Variants in ME3 observed in about 807,000 individuals in gnomAD.
The protein encoded by ME3 is NADP-dependent malic enzyme, mitochondrial.
In ME3, 48 loss-of-function variants were observed where a neutral mutation model predicts 68.9. The ratio of observed to expected loss-of-function variants is 0.70; its 90% CI spans 0.55 to 0.89. ME3 has a LOEUF of 0.89. Ranked by LOEUF, ME3 falls within the 40% of genes least tolerant of loss-of-function variation. ME3 has a pLI of 0.00. For missense variants in ME3, 675 were observed against 797.4 expected (o/e 0.85, Z 1.85); for synonymous variants, 320 against 318.8 (o/e 1.00, Z -0.04).
At chr11:86,457,533 G>C in intron 8 of ME3, 3 of 1,141,238 alleles carry the variant, frequency 2.6e-6, no homozygotes, top group Non-Finnish European at 3.3e-6. Context: ...GAAAAACAGT[G>C]GTTCTTAAGC....
At chr11:86,450,562 C>G (rs1949572651) in intron 8 of ME3, among the ~76,000 whole-genome samples, 164 bp from the exon 9 acceptor site, 1 of 152,236 alleles carries the variant, frequency 6.6e-6, no homozygotes, top group Admixed American at 6.5e-5. Context: ...TCCATGCTCT[C>G]TTTTGCAGAT....
At chr11:86,476,568 G>A (rs1259962893) in intron 7 of ME3, among the ~76,000 whole-genome samples, 1 of 152,156 alleles carries the variant, frequency 6.6e-6, no homozygotes, top group Middle Eastern at 3.2e-3. Flanking sequence ...GACTCTGAGT[G>A]GTGAGTTTGA....
intron 4 of ME3, among the ~76,000 whole-genome samples, chr11:86,520,470 A>G (rs1004224771): frequency 1.8e-4 from 28 of 152,138 alleles, no homozygotes; most frequent in Non-Finnish European, 2.9e-4. Flanking sequence ...ACCCCAAAAA[A>G]CCTTGCAATG....
intron 2 of ME3, among the ~76,000 whole-genome samples, chr11:86,651,165 G>A (rs112083402): frequency 6.6e-6 from 1 of 152,212 alleles, no homozygotes; most frequent in Admixed American, 6.5e-5. Context: ...TCCACTTCTG[G>A]GGGCAGGGCA....
At chr11:86,629,529 C>T (rs781120841) in intron 2 of ME3, among the ~76,000 whole-genome samples, 3 of 152,210 alleles carry the variant, frequency 2.0e-5, no homozygotes, top group Non-Finnish European at 2.9e-5. Context: ...CAACTCCCTT[C>T]ATCACTTGGA....
Position 86,563,841 on chromosome 11 carries a change from G to A in ME3, c.184-4018C>T, listed in dbSNP as rs187203957. ...TTTTGTATCAGTACCATGCTGTTTT[G>A]GTTACTGTAGCTTTAAGTATAGTTT... On this transcript the variant is annotated intron_variant, in intron 2 of 14. Coordinates refer to ENST00000543262, the Ensembl canonical transcript of ME3. 5.5e-3 allele frequency among the ~76,000 whole-genome samples: 839 copies of A among 152,158 alleles called. 3 individuals carry two copies. Among genetic ancestry groups the A allele is most frequent in the Non-Finnish European group, 7.8e-3 (529 of 67,976 alleles).
intron 2 of ME3, among the ~76,000 whole-genome samples, chr11:86,608,843 T>C (rs1307175883): frequency 6.6e-6 from 1 of 152,238 alleles, no homozygotes; most frequent in Non-Finnish European, 1.5e-5. Context: ...TGGTAAGTCT[T>C]GGTGCAATGA....
At chr11:86,571,420 A>G (rs1036813041) in intron 2 of ME3, among the ~76,000 whole-genome samples, 1 of 152,210 alleles carries the variant, frequency 6.6e-6, no homozygotes, top group Non-Finnish European at 1.5e-5. Context: ...TGCCCTCACT[A>G]GAACAGCAAC....
intron 2 of ME3, among the ~76,000 whole-genome samples, chr11:86,636,434 G>A (rs907503240): frequency 4.6e-5 from 7 of 152,152 alleles, no homozygotes; most frequent in African/African-American, 1.7e-4. Flanking sequence ...GGACTGAAGA[G>A]TAGTGGCTGA....
chr11:86,553,263 T>G (rs543979775), intron 4 of ME3, among the ~76,000 whole-genome samples: 9 of 152,032 alleles, frequency 5.9e-5, no homozygotes, highest in Admixed American at 5.2e-4. Context: ...CAGGTTGGAG[T>G]CTCAATTTTA....
At chr11:86,533,828 A>G (rs1301434432) in intron 4 of ME3, among the ~76,000 whole-genome samples, 1 of 152,184 alleles carries the variant, frequency 6.6e-6, no homozygotes, top group African/African-American at 2.4e-5. Flanking sequence ...GTGCACTTAC[A>G]CAAACCTAGA....
At chr11:86,459,917 G>C (rs1032757849) in intron 8 of ME3, among the ~76,000 whole-genome samples, 14 of 152,342 alleles carry the variant, frequency 9.2e-5, no homozygotes, top group African/African-American at 3.1e-4. Context: ...TGATGAGCCA[G>C]TGGGGCTTTC....
At chr11:86,596,799 C>G (rs984564028) in intron 2 of ME3, among the ~76,000 whole-genome samples, 7 of 152,240 alleles carry the variant, frequency 4.6e-5, no homozygotes, top group African/African-American at 1.4e-4. Context: ...CTCATTATAT[C>G]ACTTGGCTTC....
chr11:86,667,934 A>G (rs1946683506), intron 2 of ME3: 1 of 152,218 alleles, frequency 6.6e-6, no homozygotes, highest in Non-Finnish European at 1.5e-5. Context: ...CCAAATCCGT[A>G]TGGACAATAG....
chr11:86,452,940 T>C (rs536888416), intron 8 of ME3, among the ~76,000 whole-genome samples: 2 of 152,290 alleles, frequency 1.3e-5, no homozygotes, highest in South Asian at 4.1e-4. Flanking sequence ...ATGTCTTCAT[T>C]TGTTGGAAAA....
intron 8 of ME3, among the ~76,000 whole-genome samples, chr11:86,456,508 C>G (rs1049085274): frequency 1.3e-5 from 2 of 152,066 alleles, no homozygotes; most frequent in African/African-American, 4.8e-5. Flanking sequence ...GTCAGTCACC[C>G]AAAGCAAGGA....
chr11:86,512,280 C>T (rs1405357980), intron 4 of ME3, among the ~76,000 whole-genome samples: 1 of 152,240 alleles, frequency 6.6e-6, no homozygotes, highest in Non-Finnish European at 1.5e-5. Flanking sequence ...AAAGTAGAGG[C>T]TCTCTCCTGT....
chr11:86,671,798 G>A (rs368069705), exon 2 of ME3: 19 of 1,603,720 alleles, frequency 1.2e-5, no homozygotes, highest in Middle Eastern at 1.7e-4. Context: ...CATCGTATCC[G>A]CGCTTCTTCA....
At chr11:86,556,313 G>A (rs1956922449) in intron 4 of ME3, among the ~76,000 whole-genome samples, 1 of 152,140 alleles carries the variant, frequency 6.6e-6, no homozygotes, top group Non-Finnish European at 1.5e-5. Context: ...AGCATGCTGG[G>A]CATTTATTAT....
Sources: allele counts gnomAD v4.1 joint callset (sites outside exome capture counted in the v4.1 genomes callset), GRCh38; gene constraint gnomAD v4.1.1; transcripts MANE v1.5; gene names NCBI Gene and HGNC (gene_info 2026-07-23, HGNC 2026-07-21).